Variants in RARB observed in about 807,000 individuals in gnomAD.
The protein encoded by RARB is retinoic acid receptor beta.
Under a neutral mutation model 51.9 loss-of-function variants are expected in RARB, and 17 were observed. That is an observed-to-expected ratio of 0.33 (90% CI 0.22 to 0.49). The LOEUF is 0.49. RARB is among the 20% of genes least tolerant of loss of function. The pLI is 0.99. For missense variants in RARB, 369 were observed against 550.8 expected (o/e 0.67, Z 3.30); for synonymous variants, 215 against 195.4 (o/e 1.10, Z -0.84).
chr3:25,345,047 G>C (rs1705347305), intron 5 of RARB, among the ~76,000 whole-genome samples: 1 of 152,176 alleles, frequency 6.6e-6, no homozygotes, highest in African/African-American at 2.4e-5. Context: ...TAAAATGAGA[G>C]AGCAGACATG....
At chr3:25,168,000 T>C (rs1474564988) in intron 4 of RARB, among the ~76,000 whole-genome samples, 1 of 152,242 alleles carries the variant, frequency 6.6e-6, no homozygotes, top group Non-Finnish European at 1.5e-5. Context: ...TATATAACTT[T>C]TTATGAAATT....
chr3:25,304,948 G>T (rs1042044064), intron 5 of RARB, among the ~76,000 whole-genome samples: 3 of 152,148 alleles, frequency 2.0e-5, no homozygotes, highest in Non-Finnish European at 4.4e-5. Context: ...CCCTACAAGA[G>T]ACATTGTTCT....
chr3:25,422,851 G>T (rs1037110855), intron 5 of RARB, among the ~76,000 whole-genome samples: 1 of 152,140 alleles, frequency 6.6e-6, no homozygotes, highest in Non-Finnish European at 1.5e-5. Context: ...TACAGACAAG[G>T]CAATGTAGAA....
intron 2 of RARB, among the ~76,000 whole-genome samples, chr3:24,975,950 G>A (rs1168585715): frequency 1.3e-5 from 2 of 151,986 alleles, no homozygotes; most frequent in Admixed American, 1.3e-4. Context: ...CCCCAGTGTG[G>A]GGTATTCCCC....
intron 2 of RARB, among the ~76,000 whole-genome samples, chr3:25,024,227 T>TC (rs1315219229): frequency 2.0e-5 from 3 of 152,206 alleles, no homozygotes. Flanking sequence ...AAACTTTAGA[T>TC]CTGTCTTTTC....
intron 5 of RARB, among the ~76,000 whole-genome samples, chr3:25,332,189 T>A (rs1704919104): frequency 1.3e-5 from 2 of 152,252 alleles, no homozygotes; most frequent in South Asian, 4.1e-4. Context: ...GCCAGCATCA[T>A]CCTGATACCA....
intron 1 of RARB, among the ~76,000 whole-genome samples, chr3:25,457,643 T>C (rs1345029967): frequency 6.6e-6 from 1 of 152,220 alleles, no homozygotes; most frequent in South Asian, 2.1e-4. Context: ...CCCAAGTTTC[T>C]TGGGTATTAA....
intron 5 of RARB, among the ~76,000 whole-genome samples, chr3:25,247,460 A>C (rs322710): frequency 6.6e-6 from 1 of 152,042 alleles, no homozygotes; most frequent in African/African-American, 2.4e-5. Context: ...GTAGGCACAC[A>C]AGGGAATCTC....
chr3:25,563,745 G>T (rs977773252), intron 3 of RARB, among the ~76,000 whole-genome samples: 2 of 152,064 alleles, frequency 1.3e-5, no homozygotes, highest in South Asian at 4.1e-4. Context: ...TTAGTTACAG[G>T]TCATCCCCAA....
chr3:25,508,422 G>T (rs966341384), intron 3 of RARB, among the ~76,000 whole-genome samples: 6 of 152,054 alleles, frequency 3.9e-5, no homozygotes, highest in Admixed American at 2.0e-4. Flanking sequence ...CAAACCTTTT[G>T]GACTAAAGGC....
At chr3:25,169,765 A>T (rs1032399403) in intron 4 of RARB, among the ~76,000 whole-genome samples, 3 of 152,072 alleles carry the variant, frequency 2.0e-5, no homozygotes, top group African/African-American at 7.2e-5. Flanking sequence ...AGGCAGAAGG[A>T]TCACTTGAGT....
intron 5 of RARB, among the ~76,000 whole-genome samples, chr3:25,196,314 T>G (rs878855750): frequency 6.6e-6 from 1 of 151,836 alleles, no homozygotes; most frequent in Admixed American, 6.6e-5. Flanking sequence ...AGTGAGAACA[T>G]GTAGTGTTTG....
intron 1 of RARB, among the ~76,000 whole-genome samples, chr3:25,446,440 C>T (rs1452258293): frequency 1.3e-5 from 2 of 152,176 alleles, no homozygotes; most frequent in Admixed American, 1.3e-4. Flanking sequence ...TGACAGAGAC[C>T]AGACAGCCCA....
At chr3:25,261,198 T>C (rs1185923687) in intron 5 of RARB, among the ~76,000 whole-genome samples, 3 of 152,140 alleles carry the variant, frequency 2.0e-5, no homozygotes, top group Admixed American at 1.3e-4. Context: ...TTGTCATCAT[T>C]ATTGTAGTTA....
intron 4 of RARB, among the ~76,000 whole-genome samples, chr3:25,171,430 C>G (rs865928552): frequency 7.9e-6 from 1 of 127,022 alleles, no homozygotes; most frequent in Non-Finnish European, 1.6e-5. Flanking sequence ...GGGATTTTCT[C>G]GACACATTGA....
At chr3:25,021,532 C>T (rs1387626712) in intron 2 of RARB, among the ~76,000 whole-genome samples, 3 of 152,038 alleles carry the variant, frequency 2.0e-5, no homozygotes, top group African/African-American at 7.2e-5. Context: ...GAGGTAGAGT[C>T]CTTCAGGGCA....
intron 5 of RARB, among the ~76,000 whole-genome samples, chr3:25,239,660 G>A (rs931075987): frequency 2.0e-5 from 3 of 152,010 alleles, no homozygotes; most frequent in Non-Finnish European, 2.9e-5. Context: ...GTTGGTCTGC[G>A]CATCTGTTTT....
At chr3:25,415,946 C>A (rs925588544) in intron 5 of RARB, among the ~76,000 whole-genome samples, 3 of 152,072 alleles carry the variant, frequency 2.0e-5, no homozygotes, top group African/African-American at 7.2e-5. Context: ...TAGATACATG[C>A]CAGGTAGGGT....
intron 2 of RARB, among the ~76,000 whole-genome samples, chr3:24,891,158 T>C (rs1703370534): frequency 6.6e-6 from 1 of 152,200 alleles, no homozygotes; most frequent in South Asian, 2.1e-4. Context: ...CCAAGAACTA[T>C]AAATTTTAGT....
Sources: gnomAD v4.1 joint callset for allele counts (sites outside exome capture counted in the v4.1 genomes callset) on GRCh38, gnomAD v4.1.1 for gene constraint, MANE v1.5 for transcripts, NCBI Gene and HGNC (gene_info 2026-07-23, HGNC 2026-07-21) for gene names.